Variants in PKN2 observed in about 807,000 individuals in gnomAD.
PKN2 encodes serine/threonine-protein kinase N2.
In PKN2, 38 loss-of-function variants were observed where a neutral mutation model predicts 119.1. The observed-to-expected ratio is 0.32, with a 90% CI of 0.25 to 0.42. The LOEUF (loss-of-function observed/expected upper bound fraction) is 0.42, where lower values mean the gene tolerates loss of function less well. Among genes scored for constraint, PKN2 ranks in the 10% least tolerant of loss-of-function variants. The pLI is 1.00. For synonymous variants in PKN2, 390 were observed against 384.9 expected (o/e 1.01, Z -0.15); for missense variants, 850 against 1,165.1 (o/e 0.73, Z 3.94).
At chr1:88,724,485 C>G (rs1667816811) in intron 1 of PKN2, among the ~76,000 whole-genome samples, 1 of 151,460 alleles carries the variant, frequency 6.6e-6, no homozygotes, top group South Asian at 2.1e-4. Flanking sequence ...TTCTGATTTA[C>G]TTTTTCCTGG....
chr1:88,830,547 G>A (rs1447329233), intron 19 of PKN2, among the ~76,000 whole-genome samples: 1 of 152,004 alleles, frequency 6.6e-6, no homozygotes, highest in African/African-American at 2.4e-5. Flanking sequence ...ATTCAATTAT[G>A]TGCTTGCTTA....
intron 6 of PKN2, among the ~76,000 whole-genome samples, chr1:88,782,613 A>T (rs1670391636): frequency 6.6e-6 from 1 of 151,230 alleles, no homozygotes; most frequent in African/African-American, 2.4e-5. Context: ...CTGCAGTCCC[A>T]TCCAGTGTAT....
At chr1:88,702,178 C>A (rs527913539) in intron 1 of PKN2, among the ~76,000 whole-genome samples, 8 of 152,040 alleles carry the variant, frequency 5.3e-5, no homozygotes, top group Non-Finnish European at 1.0e-4. Context: ...AAGGTGGTCT[C>A]GAACTCTTGA....
In PKN2 at chr1:88,771,878, A is replaced by G. The variant is rs1669908698; in HGVS notation, c.984A>G (p.Thr328=). 2 of 1,597,978 alleles carry G rather than the reference A, an allele frequency of 1.3e-6. No homozygotes were observed. The highest frequency in any genetic ancestry group is 1.7e-5 in the Admixed American group (1 of 59,978). The change falls in exon 6 of 22, where the codon ACA becomes ACG. Residue 328 remains threonine, a splice_region_variant and synonymous_variant. Coordinates refer to ENST00000370521, the MANE Select transcript of PKN2 (RefSeq NM_006256.4). Reference sequence around the variant, plus strand: ...CACTATCCAAACCAGCAGCACTAACAGGTATGTAGTGTATAGCCATTGTTT... The same window carrying G: ...CACTATCCAAACCAGCAGCACTAACGGGTATGTAGTGTATAGCCATTGTTT... The part of the protein sequence containing the change: ...YSTLSKPAAL[T]GTLEVRLMGC...
chr1:88,722,916 T>G (rs1667742052), intron 1 of PKN2, among the ~76,000 whole-genome samples: 1 of 151,634 alleles, frequency 6.6e-6, no homozygotes, highest in South Asian at 2.1e-4. Flanking sequence ...GGAAGACAAA[T>G]AAATAAAGGT....
rs1457156459 is a variant in PKN2 at position 88,765,220 on chromosome 1, T to C, written c.504+4844T>C. Among the ~76,000 whole-genome samples, 4 of 149,658 alleles carry C rather than the reference T, an allele frequency of 2.7e-5. No homozygotes were observed. The South Asian group carries it at 8.6e-4, about 32-fold the overall frequency. ...CTAGGATTACAGGCGTGAGCTACCG[T>C]GCCCAGCCTTGTCTCCTGTTTATAG... On this transcript the variant is annotated intron_variant, in intron 3 of 21. Transcript: ENST00000370521.
chr1:88,697,911 A>T (rs1439924066), intron 1 of PKN2, among the ~76,000 whole-genome samples: 1 of 152,096 alleles, frequency 6.6e-6, no homozygotes, highest in African/African-American at 2.4e-5. Flanking sequence ...TTTCTATCTC[A>T]TGACATTTAT....
chr1:88,710,611 A>G (rs1234800781), intron 1 of PKN2, among the ~76,000 whole-genome samples: 3 of 152,204 alleles, frequency 2.0e-5, no homozygotes, highest in African/African-American at 2.4e-5. Flanking sequence ...GATACCATCT[A>G]AGACTAGCCA....
chr1:88,797,854 C>G lies in PKN2; in HGVS notation c.1282-6537C>G, dbSNP rs1356504736. ...TGTGAGAAATGTAATAGAGACCAGG[C>G]ACAGTGGTTCATGCCTGTAATCCCA... On this transcript the variant is annotated intron_variant, in intron 8 of 21. Coordinates refer to ENST00000370521, the MANE Select transcript of PKN2 (RefSeq NM_006256.4). Among the ~76,000 whole-genome samples the G allele has an allele frequency of 2.7e-5, 4 of 149,908 alleles. No homozygotes were observed. In the South Asian group the frequency reaches 6.4e-4, roughly 24 times the overall value.
chr1:88,828,245 A>G (rs1400637286), intron 18 of PKN2, among the ~76,000 whole-genome samples: 1 of 152,204 alleles, frequency 6.6e-6, no homozygotes, highest in Non-Finnish European at 1.5e-5. Flanking sequence ...AAGTAACTGA[A>G]AAGAAACATG....
chr1:88,685,402 A>T (rs1381625539), intron 1 of PKN2, among the ~76,000 whole-genome samples: 1 of 152,144 alleles, frequency 6.6e-6, no homozygotes, highest in Non-Finnish European at 1.5e-5. Context: ...GTTGTTTACT[A>T]ATGAGAAAGC....
In PKN2 at chr1:88,807,296, T is replaced by C. The variant is rs920094463; in HGVS notation, c.1804-17T>C. 1.4e-6 allele frequency: 2 copies of C among 1,465,976 alleles called. No homozygotes were observed. Among genetic ancestry groups the C allele is most frequent in the South Asian group, 1.3e-5 (1 of 77,384 alleles). The allele number at this position is 1,465,976 out of a possible 1,614,324, so 90.8% of individuals were successfully genotyped here. ...CTGGGTATTTCTATGGATTCACGTG[T>C]ATTTAATATTTTACAGGATTCAGAG... On this transcript the variant is annotated splice_polypyrimidine_tract_variant and intron_variant, in intron 12 of 21. Transcript: ENST00000370521.
At chr1:88,736,055 G>A (rs1407978149) in intron 1 of PKN2, among the ~76,000 whole-genome samples, 1 of 151,906 alleles carries the variant, frequency 6.6e-6, no homozygotes, top group Non-Finnish European at 1.5e-5. Context: ...CTCCAGCTAT[G>A]TGTTTTCAAA....
At chr1:88,694,698 T>G in intron 1 of PKN2, among the ~76,000 whole-genome samples, 1 of 152,160 alleles carries the variant, frequency 6.6e-6, no homozygotes, top group Admixed American at 6.5e-5. Context: ...CCCTCCAGAG[T>G]GCCCGAACTA....
At chr1:88,744,401 C>T (rs192263109) in intron 2 of PKN2, among the ~76,000 whole-genome samples, 5 of 152,164 alleles carry the variant, frequency 3.3e-5, no homozygotes, top group African/African-American at 9.6e-5. Context: ...TCATTACTGT[C>T]TAAGTGGTTA....
intron 1 of PKN2, among the ~76,000 whole-genome samples, chr1:88,691,217 T>C (rs975762064): frequency 6.6e-6 from 1 of 151,802 alleles, no homozygotes; most frequent in African/African-American, 2.4e-5. Flanking sequence ...GTGTGAGCCA[T>C]CATGCATGGT....
At chr1:88,815,010 T>C (rs1202925060) in intron 16 of PKN2, among the ~76,000 whole-genome samples, 1 of 152,218 alleles carries the variant, frequency 6.6e-6, no homozygotes, top group Admixed American at 6.5e-5. Context: ...GGGTTAATTC[T>C]AATGGGTACT....
At chr1:88,742,296 C>T (rs778629967) in intron 2 of PKN2, among the ~76,000 whole-genome samples, 2 of 152,058 alleles carry the variant, frequency 1.3e-5, no homozygotes, top group Non-Finnish European at 2.9e-5. Context: ...ATAAATTTGG[C>T]TAAGAACCTT....
chr1:88,768,660 A>C (rs1045471970), intron 3 of PKN2, among the ~76,000 whole-genome samples: 1 of 152,220 alleles, frequency 6.6e-6, no homozygotes, highest in Non-Finnish European at 1.5e-5. Context: ...GGCTTAAGAC[A>C]TTGACATCTT....
Sources: gnomAD v4.1 joint callset for allele counts (sites outside exome capture counted in the v4.1 genomes callset) on GRCh38, gnomAD v4.1.1 for gene constraint, MANE v1.5 for transcripts, NCBI Gene and HGNC (gene_info 2026-07-23, HGNC 2026-07-21) for gene names.